Variants in ANOS1 observed in about 807,000 individuals in gnomAD.
ANOS1 encodes anosmin 1.
ANOS1 carries 6 observed loss-of-function variants against 59.0 expected under a neutral mutation model. That is an observed-to-expected ratio of 0.10 (90% CI 0.06 to 0.20). The LOEUF is 0.20. Among genes scored for constraint, ANOS1 ranks in the 10% least tolerant of loss-of-function variants. ANOS1 has a pLI of 1.00. For missense variants in ANOS1, 433 were observed against 542.3 expected, an observed-to-expected ratio of 0.80 and a Z score of 2.00; for synonymous variants, 217 against 223.4, an observed-to-expected ratio of 0.97 and a Z score of 0.25.
intron 2 of ANOS1, among the ~76,000 whole-genome samples, chrX:8,695,452 A>T (rs1932670546): frequency 8.9e-6 from 1 of 112,292 alleles, no homozygotes; most frequent in Admixed American, 9.4e-5. Flanking sequence ...AACATAAAAA[A>T]TAAAGAAAAG....
intron 2 of ANOS1, among the ~76,000 whole-genome samples, chrX:8,652,763 C>T (rs975896123): frequency 2.7e-5 from 3 of 111,777 alleles, no homozygotes; most frequent in African/African-American, 6.5e-5. Context: ...ATCAATTCTA[C>T]AGGGTCCAAC....
intron 8 of ANOS1, among the ~76,000 whole-genome samples, chrX:8,554,717 C>T (rs1003013195): frequency 9.2e-6 from 1 of 108,524 alleles, no homozygotes; most frequent in Non-Finnish European, 1.9e-5. Flanking sequence ...AGGAGCATCC[C>T]GATTCATAAA....
At chrX:8,635,905 T>C (rs919551069) in intron 2 of ANOS1, among the ~76,000 whole-genome samples, 15 of 111,642 alleles carry the variant, frequency 1.3e-4, no homozygotes, top group African/African-American at 4.9e-4. Context: ...GGGATCCATG[T>C]TGTGCGTCCA....
In ANOS1 at chrX:8,678,606, T is replaced by C. The variant is rs144590853; in HGVS notation, c.255+21092A>G. On this transcript the variant is annotated intron_variant, in intron 2 of 13. Transcript: ENST00000262648. The stretch of plus-strand genomic sequence containing the variant: ...CCCAAATGACAAATTTTGGGAACCT[T>C]GTCCATTATTCCTTCTGACCCTCAG... 2.7e-3 allele frequency among the ~76,000 whole-genome samples: 298 copies of C among 111,852 alleles called. 2 individuals are homozygous for C. The highest frequency in any genetic ancestry group is 9.2e-3 in the African/African-American group (284 of 30,804).
rs759220873 is a variant in ANOS1 at position 8,635,054 on chromosome X, C to T, written c.256-11384G>A. ...GTAGAGGACCCAGCATAGCCTCAGT[C>T]ATCTTGGAAGTCCCAGGTAAGCTCC... On this transcript the variant is annotated intron_variant, in intron 2 of 13. Transcript: ENST00000262648. Among the ~76,000 whole-genome samples the T allele has an allele frequency of 1.2e-4, 13 of 111,368 alleles. No homozygotes were observed. In the East Asian group the frequency reaches 3.4e-3, roughly 29 times the overall value.
In ANOS1 at chrX:8,666,610, T is replaced by C. The variant is rs961533112; in HGVS notation, c.255+33088A>G. The stretch of plus-strand genomic sequence containing the variant: ...TACAATGAACACTGAAAAAGCTAAA[T>C]TGATATATCCCCAAAGTCATGAAAT... On this transcript the variant is annotated intron_variant, in intron 2 of 13. Transcript: ENST00000262648. Among the ~76,000 whole-genome samples, 6 of 111,840 alleles carry C rather than the reference T, an allele frequency of 5.4e-5. No individual in the cohort carries two copies. In the East Asian group the frequency reaches 8.4e-4, roughly 16 times the overall value.
intron 6 of ANOS1, among the ~76,000 whole-genome samples, chrX:8,571,178 T>A (rs1039000958): frequency 1.4e-4 from 16 of 110,748 alleles, no homozygotes; most frequent in African/African-American, 5.3e-4. Flanking sequence ...GATCTCCTTG[T>A]TAAGCCTCAA....
rs757377000 is a variant in ANOS1, at chrX:8,586,041, A to G, written c.727-645T>C. Among the ~76,000 whole-genome samples, 5 of 112,390 alleles carry G rather than the reference A, an allele frequency of 4.4e-5. No homozygotes were observed. In the South Asian group the frequency reaches 1.8e-3, roughly 41 times the overall value. On this transcript the variant is annotated intron_variant, in intron 5 of 13. Transcript: ENST00000262648. The stretch of plus-strand genomic sequence containing the variant: ...TAGTGCTACAATTTTAAGATATCAA[A>G]TAACTTTAACAGTCTTCATACTATA...
At chrX:8,624,085 G>A (rs192479483) in intron 2 of ANOS1, among the ~76,000 whole-genome samples, 367 of 97,960 alleles carry the variant, frequency 3.7e-3, no homozygotes, top group African/African-American at 0.013. Flanking sequence ...GGGCGATCTC[G>A]GCTCACTGCA....
intron 2 of ANOS1, among the ~76,000 whole-genome samples, chrX:8,653,017 G>A (rs751136402): frequency 1.9e-3 from 211 of 109,301 alleles, no homozygotes; most frequent in African/African-American, 6.5e-3. Flanking sequence ...CACCACACTC[G>A]GCTAATTTTT....
chrX:8,670,653 G>A (rs1474632722), intron 2 of ANOS1, among the ~76,000 whole-genome samples: 1 of 111,653 alleles, frequency 9.0e-6, no homozygotes, highest in African/African-American at 3.3e-5. Flanking sequence ...ATGAAATTCT[G>A]GACAACTCAA....
chrX:8,699,849 A>G (rs1324651847), intron 1 of ANOS1, 104 bp from the exon 2 acceptor site: 8 of 552,749 alleles, frequency 1.4e-5, no homozygotes, highest in African/African-American at 4.6e-5. Context: ...GAATATTTGC[A>G]TTTTAACAAA....
intron 1 of ANOS1, among the ~76,000 whole-genome samples, chrX:8,700,617 C>A (rs181269285): frequency 3.7e-4 from 42 of 112,333 alleles, no homozygotes; most frequent in African/African-American, 1.3e-3. Flanking sequence ...CATCCCCATG[C>A]CTCAGTTTAT....
Position 8,619,070 on chromosome X carries a change from C to CAAAAAAA in ANOS1, c.318+4531_318+4537dup, listed in dbSNP as rs1164164251. 5.2e-4 allele frequency among the ~76,000 whole-genome samples: 23 copies of CAAAAAAA among 43,968 alleles called. 1 individual carries two copies. The highest frequency in any genetic ancestry group is 7.5e-4 in the African/African-American group (9 of 11,963). The allele number at this position is 43,968 out of a possible 115,157, so 38.2% of individuals were successfully genotyped here. On this transcript the variant is annotated intron_variant, in intron 3 of 13. Transcript: ENST00000262648. Reference sequence around the variant, plus strand: ...CCTGGGCGACAGAGCAAACCTCTCTCAAAAAAAAAAAAAAAAAAAAAAAAA... The same window carrying CAAAAAAA: ...CCTGGGCGACAGAGCAAACCTCTCTCAAAAAAAAAAAAAAAAAAAAAAAAAAAAAAAA...
At position 8,654,523 on chromosome X, in the gene ANOS1, T is replaced by C. The variant is rs759942390; in HGVS notation, c.256-30853A>G. ...CAAGCACAGATTTTACAAACCTCGA[T>C]TCTTGCTTTCATCTCCGTTTTATTC... is the stretch of plus-strand genomic sequence containing the variant. On this transcript the variant is annotated intron_variant, in intron 2 of 13. Coordinates refer to ENST00000262648, the MANE Select transcript of ANOS1 (RefSeq NM_000216.4). Among the ~76,000 whole-genome samples, 4 of 112,579 alleles carry C rather than the reference T, an allele frequency of 3.6e-5. No homozygotes were observed. In the South Asian group the frequency reaches 1.5e-3, roughly 41 times the overall value.
chrX:8,632,291 C>G (rs12012549), intron 2 of ANOS1, among the ~76,000 whole-genome samples: 9,765 of 111,723 alleles, frequency 0.087, 545 homozygotes, highest in South Asian at 0.25. Context: ...ATACATAAAA[C>G]AGTGAAAAAA....
rs538989994 is a variant in ANOS1, at chrX:8,530,452, T to C, written c.*2543A>G. On this transcript the variant is annotated 3_prime_UTR_variant, in exon 14 of 14. Transcript: ENST00000262648. ...TAAAATTCAAAAAATTATAACTATA[T>C]TTTTGATCATTTGAATAATACTGGA... The C allele has an allele frequency of 2.1e-4, 24 of 111,741 alleles. No individual in the cohort carries two copies. In the East Asian group the frequency reaches 5.8e-3, roughly 27 times the overall value. The allele number at this position is 111,741 out of a possible 1,213,427, so 9.2% of individuals were successfully genotyped here. A position where few individuals can be genotyped will look rare whatever the true frequency, so the allele number is the denominator to read the frequency against.
chrX:8,727,967 A>G (rs945226013), intron 1 of ANOS1, among the ~76,000 whole-genome samples: 1 of 112,910 alleles, frequency 8.9e-6, no homozygotes, highest in African/African-American at 3.2e-5. Context: ...TTAAAACACC[A>G]TGACAAGTTA....
At chrX:8,609,409 GTCCTGTAGT>G (rs1419355920) in intron 3 of ANOS1, among the ~76,000 whole-genome samples, 1 of 111,800 alleles carries the variant, frequency 8.9e-6, no homozygotes, top group East Asian at 2.8e-4. Context: ...CAAATTCTGT[GTCCTGTAGT>G]TCACTTTTCG....
Sources: gnomAD v4.1 joint callset for allele counts (sites outside exome capture counted in the v4.1 genomes callset) on GRCh38, gnomAD v4.1.1 for gene constraint, MANE v1.5 for transcripts, NCBI Gene and HGNC (gene_info 2026-07-23, HGNC 2026-07-21) for gene names.